Variants in SIRPB2 observed in about 807,000 individuals in gnomAD.
SIRPB2 encodes the protein signal regulatory protein beta 2.
Under a neutral mutation model 27.1 loss-of-function variants are expected in SIRPB2, and 18 were observed. The observed-to-expected ratio is 0.66, with a 90% CI of 0.46 to 0.98. The LOEUF is 0.98. Ranked by LOEUF, SIRPB2 falls within the 50% of genes least tolerant of loss-of-function variation. The probability of loss-of-function intolerance (pLI) is 0.00; values close to 1 mark genes in which losing one functional copy is unlikely to be tolerated. For missense variants in SIRPB2, 420 were observed against 417.4 expected (o/e 1.01, Z -0.06); for synonymous variants, 150 against 164.6 (o/e 0.91, Z 0.68).
chr20:1,475,786 T>G lies in SIRPB2; in HGVS notation c.*381A>C. 17 of 187,350 alleles carry G rather than the reference T, an allele frequency of 9.1e-5. No homozygotes were observed. Among genetic ancestry groups the G allele is most frequent in the South Asian group, 4.8e-4 (5 of 10,426 alleles). The allele number at this position is 187,350 out of a possible 1,614,324, so 11.6% of individuals were successfully genotyped here. A position where few individuals can be genotyped will look rare whatever the true frequency, so the allele number is the denominator to read the frequency against. On this transcript the variant is annotated 3_prime_UTR_variant, in exon 5 of 5. Coordinates refer to ENST00000359801, the MANE Select transcript of SIRPB2 (RefSeq NM_001122962.2). ...GCACAGATGGTCTGGCTGGTTGAGT[T>G]CAGAGATTCTTACAGACATCTCCTG... is the stretch of plus-strand genomic sequence containing the variant.
intron 1 of SIRPB2, among the ~76,000 whole-genome samples, chr20:1,487,307 CTAAA>C (rs1027768870): frequency 3.4e-4 from 51 of 152,160 alleles, no homozygotes; most frequent in African/African-American, 1.2e-3. Context: ...AAAATCAAGC[CTAAA>C]TAAATAGAGA....
chr20:1,471,674 T>C (rs1028277095), downstream of SIRPB2, among the ~76,000 whole-genome samples: 3 of 152,212 alleles, frequency 2.0e-5, no homozygotes, highest in East Asian at 3.9e-4. Context: ...ATTCTTGACC[T>C]GGCTGGCACC....
At chr20:1,484,943 T>C (rs1027812204) in intron 1 of SIRPB2, among the ~76,000 whole-genome samples, 2 of 152,248 alleles carry the variant, frequency 1.3e-5, no homozygotes, top group African/African-American at 4.8e-5. Context: ...CGTAGCAACA[T>C]GAATGAAGAT....
chr20:1,476,865 GT>G, intron 4 of SIRPB2: 6 of 1,128,100 alleles, frequency 5.3e-6, no homozygotes, highest in Non-Finnish European at 6.6e-6. Flanking sequence ...CCTGGCATGT[GT>G]GATCTCCTTG....
chr20:1,472,365 C>T (rs1183411360), downstream of SIRPB2, among the ~76,000 whole-genome samples: 1 of 152,136 alleles, frequency 6.6e-6, no homozygotes, highest in East Asian at 1.9e-4. Flanking sequence ...TGCTCCCCTG[C>T]CATGTCCCTA....
intron 4 of SIRPB2, chr20:1,476,730 C>T: frequency 9.5e-7 from 1 of 1,048,388 alleles, no homozygotes. Context: ...GTCTGGCCCC[C>T]ATGAATGGCA....
At chr20:1,480,628 A>G (rs549096136) in intron 1 of SIRPB2, among the ~76,000 whole-genome samples, 1 of 152,316 alleles carries the variant, frequency 6.6e-6, no homozygotes, top group African/African-American at 2.4e-5. Flanking sequence ...AGACCATGTG[A>G]AGATACAGGG....
At chr20:1,477,518 G>A (rs2090618452) in intron 3 of SIRPB2, 115 bp from the exon 4 acceptor site, 1 of 1,498,266 alleles carries the variant, frequency 6.7e-7, no homozygotes, top group Non-Finnish European at 8.9e-7. Context: ...GTGGGTATGG[G>A]CTAGAAGTCA....
chr20:1,487,000 TAA>T (rs1375336156), intron 1 of SIRPB2, among the ~76,000 whole-genome samples: 1 of 152,084 alleles, frequency 6.6e-6, no homozygotes, highest in Non-Finnish European at 1.5e-5. Context: ...TAGTAGGAAA[TAA>T]AAGACATCCA....
chr20:1,474,299 G>T (rs1300899729), downstream of SIRPB2, among the ~76,000 whole-genome samples: 4 of 152,182 alleles, frequency 2.6e-5, no homozygotes, highest in Non-Finnish European at 4.4e-5. Flanking sequence ...TATCTTTGGG[G>T]TGGGGGTTAG....
chr20:1,473,754 A>G, downstream of SIRPB2: 1 of 448,416 alleles, frequency 2.2e-6, no homozygotes. Context: ...GCAGGGCCCT[A>G]CAGGGCTAGG....
At chr20:1,478,031 G>A (rs1199386111) in intron 3 of SIRPB2, 1 of 657,398 alleles carries the variant, frequency 1.5e-6, no homozygotes, top group Non-Finnish European at 2.8e-6. Context: ...AGAATGGGGA[G>A]AAATTAACTC....
chr20:1,487,744 C>T (rs980120017), intron 1 of SIRPB2, among the ~76,000 whole-genome samples: 4 of 152,198 alleles, frequency 2.6e-5, no homozygotes, highest in Non-Finnish European at 5.9e-5. Context: ...CTGCTAGTCT[C>T]AAGCAATCCT....
chr20:1,474,310 T>C (rs998709995), downstream of SIRPB2, among the ~76,000 whole-genome samples: 1 of 152,210 alleles, frequency 6.6e-6, no homozygotes, highest in Non-Finnish European at 1.5e-5. Flanking sequence ...TGGGGGTTAG[T>C]ATTCAGCCTA....
chr20:1,477,294 G>A (rs765742499), intron 4 of SIRPB2, 44 bp downstream of exon 4: 1 of 1,614,176 alleles, frequency 6.2e-7, no homozygotes, highest in Admixed American at 1.7e-5. Context: ...TGGCCCCCTT[G>A]CCTGTGGGGG....
intron 1 of SIRPB2, among the ~76,000 whole-genome samples, chr20:1,481,101 T>C (rs1384466160): frequency 1.3e-5 from 2 of 152,234 alleles, no homozygotes; most frequent in Admixed American, 6.5e-5. Flanking sequence ...CATCATCACA[T>C]GTATTCCTTC....
rs548693225 is a variant in SIRPB2 at position 1,491,243 on chromosome 20, G to A, written c.85+32C>T. 3.0e-5 allele frequency: 48 copies of A among 1,589,298 alleles called. 1 individual carries two copies. In the South Asian group the frequency reaches 4.2e-4, roughly 14 times the overall value. On this transcript the variant is annotated intron_variant, in intron 1 of 4. Transcript: ENST00000359801. ...CCCTCTAGGGACTGACCAGCCGGGG[G>A]TGGACCCTGTTCTATCCTAGACCCC...
chr20:1,483,896 T>C (rs1046041220), intron 1 of SIRPB2, among the ~76,000 whole-genome samples: 6 of 152,178 alleles, frequency 3.9e-5, no homozygotes, highest in African/African-American at 1.4e-4. Context: ...ATCTTGTATC[T>C]TACTGATCTT....
chr20:1,477,993 A>G (rs1385215494), intron 3 of SIRPB2: 3 of 584,070 alleles, frequency 5.1e-6, no homozygotes, highest in Middle Eastern at 2.6e-4. Context: ...TGAATTATTA[A>G]TGATCTATAC....
Sources: gnomAD v4.1 joint callset for allele counts (sites outside exome capture counted in the v4.1 genomes callset) on GRCh38, gnomAD v4.1.1 for gene constraint, MANE v1.5 for transcripts, NCBI Gene and HGNC (gene_info 2026-07-23, HGNC 2026-07-21) for gene names.